The following AKR1C3 variants were observed in gnomAD, a reference collection of about 807,000 sequenced individuals.
AKR1C3 encodes the protein aldo-keto reductase family 1 member C3.
A neutral mutation model predicts 43.6 loss-of-function variants in AKR1C3; 48 were observed. That is an observed-to-expected ratio of 1.10 (90% CI 0.87 to 1.40). The LOEUF is 1.40. AKR1C3 is among the 40% of genes most tolerant of loss of function. The pLI, the probability that AKR1C3 is intolerant of heterozygous loss-of-function variation, is 0.00. For synonymous variants in AKR1C3, 162 were observed against 139.6 expected (o/e 1.16, Z -1.13); for missense variants, 482 against 391.2 (o/e 1.23, Z -1.96).
chr10:5,077,734 A>G (rs1310180809), intron 1 of AKR1C3: 1 of 1,135,922 alleles, frequency 8.8e-7, no homozygotes, highest in Non-Finnish European at 1.1e-6. Context: ...GAGAAAAAAG[A>G]AAAAAAAAGG....
chr10:5,102,096 T>G lies in AKR1C3; in HGVS notation c.571-5T>G. The G allele has an allele frequency of 6.3e-7, 1 of 1,586,204 alleles. No homozygotes were observed. The highest frequency in any genetic ancestry group is 8.7e-7 in the Non-Finnish European group (1 of 1,156,032). ...TTGATGCTTCTCTCTTTTGGTCAAC[T>G]GCAGGTAGAATGTCATCCGTATTTC... is the stretch of plus-strand genomic sequence containing the variant. On this transcript the variant is annotated splice_polypyrimidine_tract_variant and splice_region_variant and intron_variant, in intron 5 of 8. Transcript: ENST00000380554.
At chr10:5,078,329 G>A (rs1317734218) in intron 1 of AKR1C3, among the ~76,000 whole-genome samples, 2 of 152,330 alleles carry the variant, frequency 1.3e-5, no homozygotes, top group African/African-American at 2.4e-5. Flanking sequence ...TGTAGTCCCC[G>A]CTACTCGGGA....
chr10:5,077,801 A>C (rs1477012576), intron 1 of AKR1C3: 6 of 690,144 alleles, frequency 8.7e-6, no homozygotes, highest in Non-Finnish European at 1.1e-5. Context: ...TTGAGGTTGA[A>C]GCAAATCTGA....
intron 1 of AKR1C3, among the ~76,000 whole-genome samples, chr10:5,060,540 G>A (rs11252910): frequency 0.23 from 34,496 of 151,914 alleles, 3,955 homozygotes; most frequent in East Asian, 0.39. Flanking sequence ...TAGATACAGA[G>A]TGCCAATTGG....
intron 1 of AKR1C3, among the ~76,000 whole-genome samples, chr10:5,073,877 A>G (rs367716622): frequency 6.6e-6 from 1 of 152,038 alleles, no homozygotes. Flanking sequence ...GGAAACCAAA[A>G]TATTTCACTC....
At chr10:5,080,734 C>G (rs1554782267) in intron 1 of AKR1C3, 8 of 152,300 alleles carry the variant, frequency 5.3e-5, no homozygotes, top group Non-Finnish European at 1.5e-5. Flanking sequence ...CTGTGTCTCA[C>G]TTTCTTCGTA....
rs1839211655 is a variant in AKR1C3 at position 5,096,513 on chromosome 10, T to A, written c.188T>A (p.Leu63Gln). 6.2e-7 allele frequency: 1 copy of A among 1,613,774 alleles called. No individual in the cohort carries two copies. Among genetic ancestry groups the A allele is most frequent in the African/African-American group, 1.3e-5 (1 of 74,894 alleles). Residue 63 changes from leucine to glutamine, a missense_variant, in exon 2 of 9, where the codon CTG (leucine) becomes CAG (glutamine). Transcript: ENST00000380554. The part of the protein sequence containing the change: ...HLYNNEEQVG[L>Q]AIRSKIADGS... ...TACAATAATGAGGAGCAGGTTGGAC[T>A]GGCCATCCGAAGCAAGATTGCAGAT...
At chr10:5,099,019 A>G in intron 4 of AKR1C3, 140 bp downstream of exon 4, 1 of 863,234 alleles carries the variant, frequency 1.2e-6, no homozygotes, top group Non-Finnish European at 1.8e-6. Context: ...TGGTGAGATG[A>G]AGGGAAAAAC....
rs187675430 is a variant in AKR1C3 at position 5,084,519 on chromosome 10, C to T, written c.85-11891C>T. 2.2e-4 allele frequency among the ~76,000 whole-genome samples: 34 copies of T among 152,142 alleles called. No homozygotes were observed. In the East Asian group the frequency reaches 5.8e-3, roughly 26 times the overall value. On this transcript the variant is annotated intron_variant, in intron 1 of 8. Transcript: ENST00000439082. ...TTGAAGTCAGGTAGCATGATGCCTCCGGCTTTGTTCTTTTGGCTTAGGATT... is the reference window on the plus strand; with the variant it reads ...TTGAAGTCAGGTAGCATGATGCCTCTGGCTTTGTTCTTTTGGCTTAGGATT...
intron 1 of AKR1C3, among the ~76,000 whole-genome samples, chr10:5,054,766 G>A (rs887936878): frequency 4.6e-5 from 7 of 151,628 alleles, no homozygotes; most frequent in South Asian, 2.1e-4. Flanking sequence ...CCCTGTTTCT[G>A]TCTCTGTCTC....
chr10:5,101,535 A>G (rs1228639486), intron 5 of AKR1C3, among the ~76,000 whole-genome samples: 3 of 152,206 alleles, frequency 2.0e-5, no homozygotes, highest in Admixed American at 2.0e-4. Flanking sequence ...TGGTGGAGGC[A>G]AATTATTTTG....
Position 5,068,332 on chromosome 10 carries a change from T to C in AKR1C3, c.84+19437T>C, listed in dbSNP as rs565080577. Among the ~76,000 whole-genome samples, 6 of 152,286 alleles carry C rather than the reference T, an allele frequency of 3.9e-5. No homozygotes were observed. In the East Asian group the frequency reaches 1.2e-3, roughly 29 times the overall value. ...TACCTAAACATGTTAAATAATCTTG[T>C]TTACCTCTTTTCTGGATGTTTTCAG... On this transcript the variant is annotated intron_variant, in intron 1 of 8. Coordinates refer to the AKR1C3 transcript ENST00000439082.
Position 5,099,463 on chromosome 10 carries a change from G to C in AKR1C3, c.570+14G>C. ...GTCTGCAACCAGGTGAGCTCCCTTG[G>C]CCTTCTCTCCTTTCGGTTCTTCATG... On this transcript the variant is annotated intron_variant, in intron 5 of 8. Coordinates refer to ENST00000380554, the MANE Select transcript of AKR1C3 (RefSeq NM_003739.6). 1 of 1,614,080 alleles carries C rather than the reference G, an allele frequency of 6.2e-7. No homozygotes were observed. Among genetic ancestry groups the C allele is most frequent in the Non-Finnish European group, 8.5e-7 (1 of 1,179,994 alleles).
intron 1 of AKR1C3, among the ~76,000 whole-genome samples, chr10:5,060,013 C>T (rs1416257000): frequency 6.6e-6 from 1 of 152,072 alleles, no homozygotes; most frequent in Non-Finnish European, 1.5e-5. Context: ...CTCGCTGGCT[C>T]AGGAGTGAAG....
chr10:5,105,755 A>G, intron 8 of AKR1C3, 78 bp downstream of exon 8: 1 of 1,136,588 alleles, frequency 8.8e-7, no homozygotes, highest in Non-Finnish European at 1.3e-6. Context: ...AGTGACCTCC[A>G]TACCAGAGGG....
At chr10:5,101,283 G>A (rs1266080953) in intron 5 of AKR1C3, among the ~76,000 whole-genome samples, 1 of 152,124 alleles carries the variant, frequency 6.6e-6, no homozygotes, top group African/African-American at 2.4e-5. Flanking sequence ...ACATATGATT[G>A]TGTAAACATC....
chr10:5,053,135 C>T (rs1838186785), intron 1 of AKR1C3, among the ~76,000 whole-genome samples: 1 of 152,248 alleles, frequency 6.6e-6, no homozygotes, highest in Admixed American at 6.5e-5. Context: ...CAGTCCCGTG[C>T]CATGCGCCCG....
At chr10:5,102,806 C>T (rs1235817894) in intron 7 of AKR1C3, among the ~76,000 whole-genome samples, 156 bp downstream of exon 7, 1 of 152,184 alleles carries the variant, frequency 6.6e-6, no homozygotes, top group African/African-American at 2.4e-5. Context: ...TTCTACTCTA[C>T]CACGGGAGAG....
At position 5,094,496 on chromosome 10, in the gene AKR1C3, G is replaced by A. The variant is rs782028964; in HGVS notation, c.52G>A (p.Val18Ile). The A allele has an allele frequency of 1.2e-6, 2 of 1,612,852 alleles. No homozygotes were observed. Among genetic ancestry groups the A allele is most frequent in the South Asian group, 1.1e-5 (1 of 91,056 alleles). Residue 18 changes from valine (V) to isoleucine (I), a missense_variant, in exon 1 of 9, where the codon GTA becomes ATA. Physicochemically the swap from Val to Ile is conservative, Grantham distance 29. Coordinates refer to ENST00000380554, the MANE Select transcript of AKR1C3 (RefSeq NM_003739.6). ...GCTAAATGATGGCCACTTCATGCCT[G>A]TATTGGGATTTGGCACCTATGCACC... ...VKLNDGHFMP[V>I]LGFGTYAPPE...
Sources: allele counts gnomAD v4.1 joint callset (sites outside exome capture counted in the v4.1 genomes callset), GRCh38; gene constraint gnomAD v4.1.1; transcripts MANE v1.5; gene names NCBI Gene and HGNC (gene_info 2026-07-23, HGNC 2026-07-21).